Variants in PER2 observed in about 807,000 individuals in gnomAD.
The protein encoded by PER2 is period circadian regulator 2, also known as period circadian protein homolog 2.
A neutral mutation model predicts 121.0 loss-of-function variants in PER2; 66 were observed. The observed-to-expected ratio is 0.55, with a 90% confidence interval of 0.45 to 0.67. The LOEUF (loss-of-function observed/expected upper bound fraction) is 0.67. Ranked by LOEUF, PER2 falls within the 30% of genes least tolerant of loss-of-function variation. The probability of loss-of-function intolerance (pLI) is 0.00; values close to 1 mark genes in which losing one functional copy is unlikely to be tolerated. For missense variants in PER2, 1,521 were observed against 1,635.0 expected (o/e 0.93, Z 1.20); for synonymous variants, 684 against 659.9 (o/e 1.04, Z -0.56).
rs1695435168 is a variant in PER2 at position 238,245,918 on chromosome 2, A to C, written c.*457T>G. On this transcript the variant is annotated 3_prime_UTR_variant, in exon 23 of 23. Coordinates refer to ENST00000254657, the MANE Select transcript of PER2 (RefSeq NM_022817.3). ...ATAAAAAAACACTCTACCTTGACTA[A>C]ATGATAATTCAGATAAAAAGCAGTC... is the stretch of plus-strand genomic sequence containing the variant. 3.1e-6 allele frequency: 1 copy of C among 326,602 alleles called. No homozygotes were observed. Among genetic ancestry groups the C allele is most frequent in the African/African-American group, 2.1e-5 (1 of 47,200 alleles). The allele number at this position is 326,602 out of a possible 1,614,324, so 20.2% of individuals were successfully genotyped here.
At chr2:238,285,846 C>A (rs1391555092) in intron 1 of PER2, among the ~76,000 whole-genome samples, 1 of 152,182 alleles carries the variant, frequency 6.6e-6, no homozygotes, top group Non-Finnish European at 1.5e-5. Flanking sequence ...GCAAGCCCTG[C>A]AGGATTTTAC....
chr2:238,280,530 T>C (rs1696598691), intron 1 of PER2, among the ~76,000 whole-genome samples: 2 of 152,044 alleles, frequency 1.3e-5, no homozygotes, highest in African/African-American at 4.8e-5. Flanking sequence ...AAACAAGTAA[T>C]GAGGGATGAG....
At chr2:238,293,291 A>G (rs533212516), upstream of PER2, among the ~76,000 whole-genome samples, 5 of 152,302 alleles carry the variant, frequency 3.3e-5, no homozygotes, top group South Asian at 6.2e-4. Flanking sequence ...CTGTCTTTTT[A>G]ATGTTATACA....
chr2:238,262,289 C>T lies in PER2; in HGVS notation c.1209G>A (p.Arg403=). The change falls in exon 11 of 23, where the codon CGG becomes CGA. Residue 403 remains arginine, a synonymous_variant. Coordinates refer to ENST00000254657, the MANE Select transcript of PER2 (RefSeq NM_022817.3). The part of the protein sequence containing the change: ...FDYSPIRFRA[R]NGEYITLDTS... ...TGTCCAACGTGATGTACTCTCCGTT[C>T]CGGGCGCGAAACCGAATGGGAGAAT... 6.2e-7 allele frequency: 1 copy of T among 1,613,996 alleles called. No individual in the cohort carries two copies. Among genetic ancestry groups the T allele is most frequent in the Non-Finnish European group, 8.5e-7 (1 of 1,179,924 alleles).
intron 5 of PER2, among the ~76,000 whole-genome samples, chr2:238,272,543 C>T (rs1696321266): frequency 6.6e-6 from 1 of 152,230 alleles, no homozygotes; most frequent in Non-Finnish European, 1.5e-5. Flanking sequence ...ATGATGGTCC[C>T]AGCACATGTG....
rs1695439837 is a variant in PER2, at chr2:238,246,113, T to C, written c.*262A>G. 4.1e-6 allele frequency: 1 copy of C among 241,304 alleles called. No individual in the cohort carries two copies. The highest frequency in any genetic ancestry group is 8.3e-5 in the East Asian group (1 of 11,986). 14.9% of individuals were successfully genotyped at this position (241,304 alleles called of 1,614,324 possible). A position where few individuals can be genotyped will look rare whatever the true frequency, so the allele number is the denominator to read the frequency against. On this transcript the variant is annotated 3_prime_UTR_variant, in exon 23 of 23. Coordinates refer to ENST00000254657, the MANE Select transcript of PER2 (RefSeq NM_022817.3). ...GGCGCTTAGTCTTTCTCAAGTTAAA[T>C]AACAACTAAAATCTCTTCCCCATCC...
At position 238,251,711 on chromosome 2, in the gene PER2, G is replaced by T; in HGVS notation, c.3162C>A (p.Ser1054Arg). The stretch of plus-strand genomic sequence containing the variant: ...CATTCAGCAGGAGGTTTAGGAGGCC[G>T]CTTGACGTGGAAAGGGCGTCACTGT... ...TQNSDALSTS[S>R]GLLNLLLNED... The change falls in exon 20 of 23, where the codon AGC becomes AGA. Residue 1054 changes from serine to arginine, a missense_variant. By Grantham distance (110) the Ser-to-Arg change is moderately radical. Coordinates refer to ENST00000254657, the MANE Select transcript of PER2 (RefSeq NM_022817.3). 6.2e-7 allele frequency: 1 copy of T among 1,613,798 alleles called. No individual in the cohort carries two copies. The highest frequency in any genetic ancestry group is 8.5e-7 in the Non-Finnish European group (1 of 1,179,762).
At chr2:238,273,865 A>G (rs562169985) in intron 4 of PER2, among the ~76,000 whole-genome samples, 1 of 152,230 alleles carries the variant, frequency 6.6e-6, no homozygotes, top group South Asian at 2.1e-4. Flanking sequence ...ATGGGGTTTC[A>G]CCATGTTGGC....
intron 8 of PER2, among the ~76,000 whole-genome samples, 169 bp downstream of exon 8, chr2:238,267,887 T>G (rs926986692): frequency 8.6e-5 from 13 of 151,848 alleles, no homozygotes; most frequent in Non-Finnish European, 1.8e-4. Flanking sequence ...ACAAGCAGGG[T>G]GTGCTGAGTC....
upstream of PER2, among the ~76,000 whole-genome samples, chr2:238,294,492 C>A (rs926246326): frequency 6.6e-6 from 1 of 152,152 alleles, no homozygotes; most frequent in Non-Finnish European, 1.5e-5. Context: ...TCGGGCCCCC[C>A]GTGGCCTGTA....
At chr2:238,280,352 G>C (rs1357208471) in intron 1 of PER2, among the ~76,000 whole-genome samples, 1 of 152,204 alleles carries the variant, frequency 6.6e-6, no homozygotes, top group Non-Finnish European at 1.5e-5. Context: ...GGGCCGACTA[G>C]ACCTCGCCTT....
At chr2:238,291,943 C>A (rs1306767528), upstream of PER2, among the ~76,000 whole-genome samples, 1 of 152,188 alleles carries the variant, frequency 6.6e-6, no homozygotes, top group Non-Finnish European at 1.5e-5. Flanking sequence ...GGGAGGATTT[C>A]TTGAACCCAG....
intron 9 of PER2, among the ~76,000 whole-genome samples, chr2:238,263,890 A>G (rs560591912): frequency 5.0e-4 from 76 of 152,180 alleles, no homozygotes; most frequent in African/African-American, 1.6e-3. Context: ...GATATACAGA[A>G]TGTTCCTGGC....
At position 238,257,215 on chromosome 2, in the gene PER2, A is replaced by T. The variant is rs1695790837; in HGVS notation, c.1901-129T>A. On this transcript the variant is annotated intron_variant, in intron 16 of 22. Transcript: ENST00000254657. ...CACACAACCCATCCCATCCCATCCC[A>T]CAGATGCTCTGGCCCAGGCATGGGG... 5.5e-6 allele frequency: 4 copies of T among 725,908 alleles called. No individual in the cohort carries two copies. The South Asian group carries it at 7.0e-5, about 13-fold the overall frequency. The allele number at this position is 725,908 out of a possible 1,614,324, so 45.0% of individuals were successfully genotyped here. A position where few individuals can be genotyped will look rare whatever the true frequency, so the allele number is the denominator to read the frequency against.
At chr2:238,295,223 G>C in the PER2 span, among the ~76,000 whole-genome samples, 552 of 151,994 alleles carry the variant, frequency 3.6e-3, no homozygotes, top group African/African-American at 8.7e-3. Context: ...TGTTGTTGTT[G>C]TTCTTCTTCT....
At chr2:238,258,827 G>A (rs755208851) in intron 14 of PER2, among the ~76,000 whole-genome samples, 183 bp from the exon 15 acceptor site, 5 of 152,068 alleles carry the variant, frequency 3.3e-5, no homozygotes, top group African/African-American at 4.8e-5. Flanking sequence ...CCACAGTGCC[G>A]TCCACAGAGA....
chr2:238,250,538 G>T lies in PER2; in HGVS notation c.3467+13C>A. ...TCCCTCCCCAGGTGCCTAGGAAAAC[G>T]CTGGGTGGTTACCGGGAAGGCAGCT... On this transcript the variant is annotated intron_variant, in intron 21 of 22. Coordinates refer to ENST00000254657, the MANE Select transcript of PER2 (RefSeq NM_022817.3). The T allele has an allele frequency of 6.2e-7, 1 of 1,602,088 alleles. No individual in the cohort carries two copies. The highest frequency in any genetic ancestry group is 8.5e-7 in the Non-Finnish European group (1 of 1,172,206).
rs1695742245 is a variant in PER2, at chr2:238,255,803, A to T, written c.2174T>A (p.Leu725His). 1 of 1,614,018 alleles carries T rather than the reference A, an allele frequency of 6.2e-7. No individual in the cohort carries two copies. ...QEKEPFKKLG[L>H]TKEVLAAHTQ... Reference sequence around the variant, plus strand: ...GTGTGCAGCGAGTACCTCCTTGGTGAGGCCCAGCTTCTTGAAGGGCTCCTT... The same window carrying T: ...GTGTGCAGCGAGTACCTCCTTGGTGTGGCCCAGCTTCTTGAAGGGCTCCTT... Residue 725 changes from leucine to histidine, a missense_variant, in exon 18 of 23, where the codon CTC becomes CAC. By Grantham distance (99) the Leu-to-His change is moderately conservative (BLOSUM62 -3). Coordinates refer to ENST00000254657, the MANE Select transcript of PER2 (RefSeq NM_022817.3).
At chr2:238,276,948 G>A (rs1357444197) in intron 3 of PER2, among the ~76,000 whole-genome samples, 183 bp downstream of exon 3, 4 of 152,182 alleles carry the variant, frequency 2.6e-5, no homozygotes, top group Admixed American at 6.5e-5. Context: ...GGCTCTGGAC[G>A]GTGAGGGGAC....
Sources: gnomAD v4.1 joint callset for allele counts (sites outside exome capture counted in the v4.1 genomes callset) on GRCh38, gnomAD v4.1.1 for gene constraint, MANE v1.5 for transcripts, NCBI Gene and HGNC (gene_info 2026-07-23, HGNC 2026-07-21) for gene names.